The following ATP6V1H variants were observed in gnomAD, a reference collection of about 807,000 sequenced individuals.
ATP6V1H encodes ATPase H+ transporting V1 subunit H.
A neutral mutation model predicts 71.7 loss-of-function variants in ATP6V1H; 39 were observed. That is an observed-to-expected ratio of 0.54 (90% CI 0.42 to 0.71). The LOEUF (loss-of-function observed/expected upper bound fraction) is 0.71, where lower values mean the gene tolerates loss of function less well. ATP6V1H is among the 30% of genes least tolerant of loss of function. The probability of loss-of-function intolerance (pLI) is 0.00; values close to 1 mark genes in which losing one functional copy is unlikely to be tolerated. For synonymous variants in ATP6V1H, 192 were observed against 199.3 expected (o/e 0.96, Z 0.31); for missense variants, 509 against 594.9 (o/e 0.86, Z 1.50).
chr8:53,751,039 G>T (rs1218950997), intron 12 of ATP6V1H, among the ~76,000 whole-genome samples: 1 of 152,140 alleles, frequency 6.6e-6, no homozygotes, highest in African/African-American at 2.4e-5. Context: ...GAGGTAAAGG[G>T]ACTTGCCCAA....
intron 11 of ATP6V1H, among the ~76,000 whole-genome samples, chr8:53,763,474 T>C (rs879874444): frequency 1.3e-5 from 2 of 152,244 alleles, no homozygotes; most frequent in African/African-American, 2.4e-5. Context: ...CCCAGGTTCA[T>C]GGATCTGAAT....
chr8:53,784,789 G>C (rs186919095), intron 9 of ATP6V1H, among the ~76,000 whole-genome samples: 1 of 151,984 alleles, frequency 6.6e-6, no homozygotes, highest in Non-Finnish European at 1.5e-5. Flanking sequence ...TTTCTCCTTC[G>C]CTTATGAAGC....
At chr8:53,729,865 T>C (rs1311954162) in intron 13 of ATP6V1H, among the ~76,000 whole-genome samples, 3 of 152,140 alleles carry the variant, frequency 2.0e-5, no homozygotes, top group Admixed American at 6.5e-5. Flanking sequence ...CCTCCCACTC[T>C]GGCTTCACTC....
intron 7 of ATP6V1H, among the ~76,000 whole-genome samples, chr8:53,808,428 C>T (rs781022548): frequency 2.0e-5 from 3 of 152,174 alleles, no homozygotes; most frequent in African/African-American, 4.8e-5. Context: ...TAGGAGAAGA[C>T]AAATAATGCA....
At chr8:53,721,878 G>A (rs1372818136) in intron 13 of ATP6V1H, among the ~76,000 whole-genome samples, 1 of 152,106 alleles carries the variant, frequency 6.6e-6, no homozygotes, top group Non-Finnish European at 1.5e-5. Flanking sequence ...TAATAGATTA[G>A]CAGTCTCCCT....
At chr8:53,716,433 C>G (rs1035080895) in intron 13 of ATP6V1H, among the ~76,000 whole-genome samples, 2 of 152,206 alleles carry the variant, frequency 1.3e-5, no homozygotes, top group Non-Finnish European at 2.9e-5. Context: ...TTCTGAATGA[C>G]CTCATAAATG....
intron 13 of ATP6V1H, among the ~76,000 whole-genome samples, chr8:53,718,726 C>T (rs1225053139): frequency 2.0e-5 from 3 of 152,110 alleles, no homozygotes; most frequent in Non-Finnish European, 2.9e-5. Context: ...CAAGGTAGCC[C>T]GGAGGCATCT....
chr8:53,739,973 T>A (rs371110483), intron 13 of ATP6V1H, among the ~76,000 whole-genome samples: 2 of 152,216 alleles, frequency 1.3e-5, no homozygotes, highest in South Asian at 4.1e-4. Flanking sequence ...TATAATCCAT[T>A]GTTCCACAGA....
chr8:53,729,426 C>G (rs1806937858), intron 13 of ATP6V1H, among the ~76,000 whole-genome samples: 1 of 152,102 alleles, frequency 6.6e-6, no homozygotes, highest in African/African-American at 2.4e-5. Context: ...GCCTGGGATC[C>G]ATGGCAAGCC....
At chr8:53,733,209 A>AC (rs770070387) in intron 13 of ATP6V1H, among the ~76,000 whole-genome samples, 71 of 152,276 alleles carry the variant, frequency 4.7e-4, no homozygotes, top group Middle Eastern at 3.4e-3. Flanking sequence ...CAGCTGGTTC[A>AC]CCCGCCTGGA....
chr8:53,824,657 T>C (rs1032829969), intron 4 of ATP6V1H, among the ~76,000 whole-genome samples: 6 of 151,966 alleles, frequency 3.9e-5, no homozygotes, highest in African/African-American at 1.4e-4. Context: ...GCCCAGAAAA[T>C]AACAGCCTTT....
At chr8:53,757,376 G>A (rs1808107815) in intron 11 of ATP6V1H, among the ~76,000 whole-genome samples, 1 of 152,192 alleles carries the variant, frequency 6.6e-6, no homozygotes, top group Admixed American at 6.5e-5. Flanking sequence ...GTGCCCTTGG[G>A]AGTGAAAGGG....
intron 12 of ATP6V1H, among the ~76,000 whole-genome samples, chr8:53,750,865 T>C (rs1381214783): frequency 1.3e-5 from 2 of 152,152 alleles, no homozygotes; most frequent in Non-Finnish European, 2.9e-5. Flanking sequence ...TAGCAGACAC[T>C]TTACTTGACA....
intron 4 of ATP6V1H, among the ~76,000 whole-genome samples, chr8:53,823,883 T>C (rs1042505159): frequency 6.7e-6 from 1 of 149,422 alleles, no homozygotes; most frequent in Admixed American, 6.7e-5. Context: ...AAGAATATAA[T>C]AAAGGCAAAA....
rs539512910 is a variant in ATP6V1H, at chr8:53,812,695, G to T, written c.526-1478C>A. Among the ~76,000 whole-genome samples, 313 of 151,938 alleles carry T rather than the reference G, an allele frequency of 2.1e-3. 1 individual carries two copies. The highest frequency in any genetic ancestry group is 6.8e-3 in the African/African-American group (281 of 41,454). ...CAGAATGAAGTTTTGTTTTTGTGGG[G>T]TTTTTTTTGTTTTTTGAGACAAGAG... is the stretch of plus-strand genomic sequence containing the variant. On this transcript the variant is annotated intron_variant, in intron 6 of 13. Transcript: ENST00000359530.
chr8:53,728,041 T>C (rs1339585029), intron 13 of ATP6V1H, among the ~76,000 whole-genome samples: 2 of 152,200 alleles, frequency 1.3e-5, no homozygotes, highest in Non-Finnish European at 2.9e-5. Flanking sequence ...CTGCCTCATC[T>C]CTAGAGTGAT....
At chr8:53,804,520 C>CA (rs770624020) in intron 7 of ATP6V1H, among the ~76,000 whole-genome samples, 1 of 152,034 alleles carries the variant, frequency 6.6e-6, no homozygotes, top group Non-Finnish European at 1.5e-5. Context: ...ACTAAACATA[C>CA]AAAAAATAGC....
intron 12 of ATP6V1H, among the ~76,000 whole-genome samples, chr8:53,748,657 C>T (rs892407250): frequency 1.3e-5 from 2 of 152,150 alleles, no homozygotes; most frequent in South Asian, 2.1e-4. Context: ...GGAGATGTCA[C>T]ATATCACAGT....
At chr8:53,832,729 T>TA in intron 3 of ATP6V1H, 1 of 285,704 alleles carries the variant, frequency 3.5e-6, no homozygotes, top group South Asian at 1.2e-4. Flanking sequence ...AAAATTCTCT[T>TA]AAAAAAAGAA....
Sources: gnomAD v4.1 joint callset for allele counts (sites outside exome capture counted in the v4.1 genomes callset) on GRCh38, gnomAD v4.1.1 for gene constraint, MANE v1.5 for transcripts, NCBI Gene and HGNC (gene_info 2026-07-23, HGNC 2026-07-21) for gene names.